The following IL31RA variants were observed in gnomAD, a reference collection of about 807,000 sequenced individuals.
IL31RA encodes the protein interleukin-31 receptor subunit alpha.
A neutral mutation model predicts 83.7 loss-of-function variants in IL31RA; 66 were observed. That is an observed-to-expected ratio of 0.79 (90% CI 0.65 to 0.97). IL31RA has a LOEUF of 0.97. IL31RA is among the 50% of genes least tolerant of loss of function. IL31RA has a pLI of 0.00. For synonymous variants in IL31RA, 325 were observed against 329.0 expected, an observed-to-expected ratio of 0.99 and a Z score of 0.13; for missense variants, 798 against 919.4, an observed-to-expected ratio of 0.87 and a Z score of 1.71.
At chr5:55,840,600 C>T in the IL31RA span, among the ~76,000 whole-genome samples, 1 of 152,312 alleles carries the variant, frequency 6.6e-6, no homozygotes, top group African/African-American at 2.4e-5. Flanking sequence ...ATGTAGTAGG[C>T]ATTTTGAAGG....
chr5:55,890,450 A>G (rs1369846380), intron 6 of IL31RA, among the ~76,000 whole-genome samples: 1 of 152,170 alleles, frequency 6.6e-6, no homozygotes, highest in Non-Finnish European at 1.5e-5. Flanking sequence ...GCTCACTGCC[A>G]CCACCACCTC....
In IL31RA at chr5:55,917,558, C is replaced by T. The variant is rs944652903; in HGVS notation, c.*438C>T. Among the ~76,000 whole-genome samples the T allele has an allele frequency of 1.3e-5, 2 of 152,110 alleles. No homozygotes were observed. Among genetic ancestry groups the T allele is most frequent in the Non-Finnish European group, 2.9e-5 (2 of 68,012 alleles). ...CCAGAGGACAGTTGTTTTGTTGGCT[C>T]TTGGGTGGTCTGGTGGGAGCCTGGG... On this transcript the variant is annotated 3_prime_UTR_variant, in exon 15 of 15. Transcript: ENST00000652347.
chr5:55,915,055 G>T, intron 14 of IL31RA, 127 bp downstream of exon 14: 1 of 765,220 alleles, frequency 1.3e-6, no homozygotes. Flanking sequence ...GAGTTGAAAA[G>T]TCTCAGGGAA....
chr5:55,887,806 AC>A (rs1301112281), intron 5 of IL31RA, among the ~76,000 whole-genome samples: 2 of 151,766 alleles, frequency 1.3e-5, no homozygotes, highest in African/African-American at 4.8e-5. Flanking sequence ...AATGGCATGA[AC>A]CCAGGAGGTG....
At chr5:55,873,394 A>G (rs1413138708) in intron 4 of IL31RA, among the ~76,000 whole-genome samples, 1 of 152,126 alleles carries the variant, frequency 6.6e-6, no homozygotes, top group Non-Finnish European at 1.5e-5. Context: ...TTGTGTGGAC[A>G]TGTTTCAATT....
intron 12 of IL31RA, 43 bp from the exon 13 acceptor site, chr5:55,913,434 G>T: frequency 8.3e-7 from 1 of 1,212,062 alleles, no homozygotes; most frequent in Non-Finnish European, 1.2e-6. Context: ...TTGTCAAGAA[G>T]GTGAGGAACT....
At chr5:55,908,509 C>G (rs774720092) in intron 11 of IL31RA, 98 bp downstream of exon 11, 21 of 1,610,964 alleles carry the variant, frequency 1.3e-5, no homozygotes, top group Non-Finnish European at 1.7e-5. Flanking sequence ...CTCATTGTGA[C>G]TTGCAACCTG....
At chr5:55,856,562 T>C (rs1366156570) in intron 1 of IL31RA, among the ~76,000 whole-genome samples, 1 of 152,228 alleles carries the variant, frequency 6.6e-6, no homozygotes, top group Non-Finnish European at 1.5e-5. Context: ...TTGAAACCAA[T>C]AAGAAATAGT....
At chr5:55,864,729 A>G (rs1745926610) in intron 2 of IL31RA, among the ~76,000 whole-genome samples, 2 of 150,870 alleles carry the variant, frequency 1.3e-5, no homozygotes, top group African/African-American at 4.9e-5. Context: ...CACCACACAT[A>G]CCCTGCACAC....
chr5:55,855,986 T>A (rs1745341552), intron 1 of IL31RA, among the ~76,000 whole-genome samples: 1 of 152,252 alleles, frequency 6.6e-6, no homozygotes, highest in Non-Finnish European at 1.5e-5. Context: ...AACCTCTGCC[T>A]TTTGAGTTCA....
intron 6 of IL31RA, among the ~76,000 whole-genome samples, chr5:55,894,220 G>T (rs1382481038): frequency 6.6e-6 from 1 of 151,836 alleles, no homozygotes; most frequent in Non-Finnish European, 1.5e-5. Flanking sequence ...ATGGAGTAAA[G>T]GTCCCTCTAA....
intron 4 of IL31RA, among the ~76,000 whole-genome samples, chr5:55,873,020 T>C (rs1746627031): frequency 6.6e-6 from 1 of 152,182 alleles, no homozygotes; most frequent in African/African-American, 2.4e-5. Context: ...TCAGAACATT[T>C]TTATTGCCCT....
chr5:55,881,490 C>G (rs181464051), intron 4 of IL31RA, among the ~76,000 whole-genome samples: 2 of 152,044 alleles, frequency 1.3e-5, no homozygotes, highest in Middle Eastern at 3.4e-3. Flanking sequence ...ACCTTGCGTC[C>G]CATTTCCCTT....
chr5:55,871,194 G>C (rs193290415), intron 3 of IL31RA, among the ~76,000 whole-genome samples: 6 of 152,314 alleles, frequency 3.9e-5, no homozygotes, highest in Admixed American at 6.5e-5. Flanking sequence ...ATTCAAACCT[G>C]GTCTGATTCT....
At chr5:55,876,197 A>G (rs1172283584) in intron 4 of IL31RA, among the ~76,000 whole-genome samples, 1 of 152,014 alleles carries the variant, frequency 6.6e-6, no homozygotes, top group African/African-American at 2.4e-5. Flanking sequence ...CATGAGGTCA[A>G]GAGATTGAGA....
At chr5:55,867,275 G>GTA (rs1399870366) in intron 2 of IL31RA, among the ~76,000 whole-genome samples, 2 of 101,306 alleles carry the variant, frequency 2.0e-5, no homozygotes, top group Admixed American at 8.7e-5. Context: ...GTGCGTGTGT[G>GTA]TGCATGTGTG....
chr5:55,902,888 G>A (rs1294925130), intron 8 of IL31RA, among the ~76,000 whole-genome samples: 2 of 152,180 alleles, frequency 1.3e-5, no homozygotes, highest in African/African-American at 2.4e-5. Flanking sequence ...AGACGGCAAA[G>A]GGATTCAGGC....
intron 7 of IL31RA, among the ~76,000 whole-genome samples, chr5:55,899,005 CAG>C (rs1039243754): frequency 1.1e-4 from 16 of 152,014 alleles, no homozygotes; most frequent in Non-Finnish European, 7.4e-5. Context: ...GCCTGGGCGA[CAG>C]AGAGAGACTC....
At chr5:55,848,523 G>T (rs183633795), upstream of IL31RA, among the ~76,000 whole-genome samples, 1 of 151,840 alleles carries the variant, frequency 6.6e-6, no homozygotes, top group Non-Finnish European at 1.5e-5. Context: ...TTGTATTTTC[G>T]TTGCCCAAGT....
Sources: gnomAD v4.1 joint callset for allele counts (sites outside exome capture counted in the v4.1 genomes callset) on GRCh38, gnomAD v4.1.1 for gene constraint, MANE v1.5 for transcripts, NCBI Gene and HGNC (gene_info 2026-07-23, HGNC 2026-07-21) for gene names.